The following DYNC1LI2 variants were observed in gnomAD, a reference collection of about 807,000 sequenced individuals.
DYNC1LI2 encodes the protein dynein cytoplasmic 1 light intermediate chain 2, also known as cytoplasmic dynein 1 light intermediate chain 2.
Under a neutral mutation model 57.8 loss-of-function variants are expected in DYNC1LI2, and 19 were observed. The ratio of observed to expected loss-of-function variants is 0.33; its 90% CI spans 0.23 to 0.48. The LOEUF (loss-of-function observed/expected upper bound fraction) is 0.48, where lower values mean the gene tolerates loss of function less well. Ranked by LOEUF, DYNC1LI2 falls within the 20% of genes least tolerant of loss-of-function variation. The pLI is 0.99. For missense variants in DYNC1LI2, 470 were observed against 604.2 expected (o/e 0.78, Z 2.33); for synonymous variants, 256 against 233.4 (o/e 1.10, Z -0.88).
intron 7 of DYNC1LI2, chr16:66,730,906 G>T (rs2067040): frequency 0.3 from 45,723 of 152,016 alleles, 8,122 homozygotes; most frequent in East Asian, 0.6. Context: ...GGTAGCAATG[G>T]TAAAATACCC....
intron 6 of DYNC1LI2, chr16:66,733,970 G>T: frequency 2.3e-6 from 1 of 426,164 alleles, no homozygotes; most frequent in Non-Finnish European, 4.2e-6. Flanking sequence ...AGACTAGCCT[G>T]GCCAAAGTGG....
At position 66,723,774 on chromosome 16, in the gene DYNC1LI2, G is replaced by A. The variant is rs1488908339; in HGVS notation, c.1427C>T (p.Thr476Ile). The A allele has an allele frequency of 6.2e-7, 1 of 1,607,612 alleles. No individual in the cohort carries two copies. Residue 476 changes from threonine to isoleucine, a missense_variant, in exon 13 of 13, where the codon ACT becomes ATT. Transcript: ENST00000258198. ...SNVQEELDRM[T>I]RKPDSMVTNS... ...TGTTACCATAGAGTCTGGCTTTCGA[G>A]TCATTCTATCCAGTTCTTCCTGAAC...
chr16:66,748,889 A>C (rs1377577931), intron 3 of DYNC1LI2, among the ~76,000 whole-genome samples: 1 of 152,026 alleles, frequency 6.6e-6, no homozygotes. Flanking sequence ...CTCATATAAA[A>C]CTCCAAAGCT....
At chr16:66,741,838 C>A (rs538857402) in intron 4 of DYNC1LI2, among the ~76,000 whole-genome samples, 5 of 125,638 alleles carry the variant, frequency 4.0e-5, no homozygotes, top group African/African-American at 1.5e-4. Flanking sequence ...TTTGAAAGTT[C>A]TTTGTTGTCA....
At chr16:66,746,249 G>A (rs1243433129) in intron 3 of DYNC1LI2, among the ~76,000 whole-genome samples, 1 of 152,120 alleles carries the variant, frequency 6.6e-6, no homozygotes, top group Non-Finnish European at 1.5e-5. Flanking sequence ...TCACCCATGT[G>A]CTTGGAGATC....
At chr16:66,737,575 A>T (rs2017758031) in intron 4 of DYNC1LI2, among the ~76,000 whole-genome samples, 1 of 151,854 alleles carries the variant, frequency 6.6e-6, no homozygotes, top group East Asian at 1.9e-4. Context: ...GCTTGTCAGC[A>T]CTAAGTAACC....
chr16:66,728,390 T>A, intron 9 of DYNC1LI2, 148 bp from the exon 10 acceptor site: 1 of 849,502 alleles, frequency 1.2e-6, no homozygotes, highest in Admixed American at 2.5e-5. Context: ...CCAAAAAATT[T>A]TAATTGAGCC....
In DYNC1LI2 at chr16:66,749,226, T is replaced by C. The variant is rs758658867; in HGVS notation, c.269A>G (p.Tyr90Cys). The C allele has an allele frequency of 3.7e-6, 6 of 1,614,184 alleles. No homozygotes were observed. Among genetic ancestry groups the C allele is most frequent in the Non-Finnish European group, 4.2e-6 (5 of 1,180,022 alleles). ...TCGGTCCTCATCATGGACACTGAGG[T>C]AGAGATATTCTAGGCCTCTTCCTTT... Reference protein sequence around the residue: ...GKKGRGLEYLYLSVHDEDRDD... With the variant: ...GKKGRGLEYLCLSVHDEDRDD... Residue 90 changes from tyrosine to cysteine, a missense_variant, in exon 3 of 13, where the codon TAC becomes TGC. By Grantham distance (194) the Tyr-to-Cys change is radical. Coordinates refer to ENST00000258198, the MANE Select transcript of DYNC1LI2 (RefSeq NM_006141.3).
At chr16:66,744,260 C>T (rs1032365783) in intron 3 of DYNC1LI2, among the ~76,000 whole-genome samples, 2 of 152,014 alleles carry the variant, frequency 1.3e-5, no homozygotes, top group African/African-American at 2.4e-5. Context: ...TGATATTGCC[C>T]AAGCTGGTCT....
At chr16:66,738,007 AAAC>A (rs1450811061) in intron 4 of DYNC1LI2, among the ~76,000 whole-genome samples, 2 of 152,204 alleles carry the variant, frequency 1.3e-5, no homozygotes, top group African/African-American at 4.8e-5. Context: ...AAGTAAATTC[AAAC>A]AACAGGACTG....
At chr16:66,749,802 C>T (rs989323377) in intron 2 of DYNC1LI2, among the ~76,000 whole-genome samples, 6 of 152,222 alleles carry the variant, frequency 3.9e-5, no homozygotes, top group African/African-American at 1.2e-4. Flanking sequence ...TTTAGTACAT[C>T]TCCTTCACAA....
chr16:66,722,535 T>C lies in DYNC1LI2; in HGVS notation c.*1187A>G, dbSNP rs1289774928. The C allele has an allele frequency of 6.6e-6, 1 of 152,642 alleles. No individual in the cohort carries two copies. Among genetic ancestry groups the C allele is most frequent in the Non-Finnish European group, 1.5e-5 (1 of 68,050 alleles). The allele number at this position is 152,642 out of a possible 1,614,324, so 9.5% of individuals were successfully genotyped here. A position where few individuals can be genotyped will look rare whatever the true frequency, so the allele number is the denominator to read the frequency against. On this transcript the variant is annotated 3_prime_UTR_variant, in exon 13 of 13. Transcript: ENST00000258198. ...CTTATTTCCATAAGAAAAAAAATGCTACATTTTATGAAAACACCTAACAAG... is the reference window on the plus strand; with the variant it reads ...CTTATTTCCATAAGAAAAAAAATGCCACATTTTATGAAAACACCTAACAAG...
chr16:66,722,572 A>C lies in DYNC1LI2; in HGVS notation c.*1150T>G, dbSNP rs1018150118. ...AAACACCTAACAAGAGAAATGTATC[A>C]TTTCCATTTTCTGTATAAAACATTC... On this transcript the variant is annotated 3_prime_UTR_variant, in exon 13 of 13. Transcript: ENST00000258198. 6.6e-6 allele frequency: 1 copy of C among 152,636 alleles called. No homozygotes were observed. Among genetic ancestry groups the C allele is most frequent in the African/African-American group, 2.4e-5 (1 of 41,452 alleles). 9.5% of individuals were successfully genotyped at this position (152,636 alleles called of 1,614,324 possible). A position where few individuals can be genotyped will look rare whatever the true frequency, so the allele number is the denominator to read the frequency against.
chr16:66,747,449 G>C (rs1370346795), intron 3 of DYNC1LI2, among the ~76,000 whole-genome samples: 1 of 152,068 alleles, frequency 6.6e-6, no homozygotes, highest in Non-Finnish European at 1.5e-5. Flanking sequence ...GTTCAACTTT[G>C]TCATTTTAGC....
intron 4 of DYNC1LI2, among the ~76,000 whole-genome samples, chr16:66,741,079 G>A (rs1169914271): frequency 2.1e-5 from 3 of 141,174 alleles, no homozygotes; most frequent in Non-Finnish European, 4.4e-5. Context: ...ACCTGGTACA[G>A]TATAGGGCAG....
chr16:66,730,311 C>G (rs147069624), intron 7 of DYNC1LI2, 88 bp from the exon 8 acceptor site: 5 of 1,107,260 alleles, frequency 4.5e-6, no homozygotes, highest in African/African-American at 3.2e-5. Flanking sequence ...CTGGGTAGGA[C>G]ACTTCTCACA....
chr16:66,729,345 CAT>C (rs1175925890), intron 8 of DYNC1LI2, among the ~76,000 whole-genome samples: 7 of 152,142 alleles, frequency 4.6e-5, no homozygotes, highest in African/African-American at 1.4e-4. Flanking sequence ...CAGGACATCA[CAT>C]GAGGGGATCC....
chr16:66,725,785 T>C, intron 12 of DYNC1LI2, 43 bp downstream of exon 12: 1 of 1,592,552 alleles, frequency 6.3e-7, no homozygotes. Context: ...CTTGCAGCAC[T>C]ACTCAACCAC....
intron 3 of DYNC1LI2, among the ~76,000 whole-genome samples, chr16:66,747,929 C>T (rs2017967197): frequency 6.6e-6 from 1 of 151,956 alleles, no homozygotes; most frequent in South Asian, 2.1e-4. Flanking sequence ...AACTTTTCTA[C>T]CAAAAAAACC....
Sources: gnomAD v4.1 joint callset for allele counts (sites outside exome capture counted in the v4.1 genomes callset) on GRCh38, gnomAD v4.1.1 for gene constraint, MANE v1.5 for transcripts, NCBI Gene and HGNC (gene_info 2026-07-23, HGNC 2026-07-21) for gene names.